DIP2C: variants seen among roughly 807,000 people sequenced by gnomAD.
DIP2C encodes the protein DIP2 acetate--CoA ligase C (putative).
DIP2C carries 33 observed loss-of-function variants against 192.4 expected under a neutral mutation model. The ratio of observed to expected loss-of-function variants is 0.17; its 90% CI spans 0.13 to 0.23. DIP2C has a LOEUF of 0.23. DIP2C is among the 10% of genes least tolerant of loss of function. DIP2C has a pLI of 1.00. For missense variants in DIP2C, 1,537 were observed against 2,110.1 expected (o/e 0.73, Z 5.32); for synonymous variants, 979 against 864.1 (o/e 1.13, Z -2.33).
intron 10 of DIP2C, among the ~76,000 whole-genome samples, chr10:398,458 G>A (rs527575032): frequency 9.2e-5 from 14 of 152,308 alleles, no homozygotes; most frequent in Admixed American, 8.5e-4. Flanking sequence ...ATGAACATAT[G>A]TCTTACATGT....
At chr10:370,077 A>G (rs1399357009) in intron 17 of DIP2C, 16 of 981,568 alleles carry the variant, frequency 1.6e-5, no homozygotes, top group African/African-American at 5.2e-5. Context: ...CTGAACAGCA[A>G]TGATGGAAAT....
chr10:381,425 C>T lies in DIP2C; in HGVS notation c.1991+1222G>A, dbSNP rs966294921. On this transcript the variant is annotated intron_variant, in intron 17 of 36. Transcript: ENST00000280886. ...GTACCTTTAATCCTTTTCGGTCCTT[C>T]GGTGTGTTGAGCCCAATCACGCCAA... Among the ~76,000 whole-genome samples, 5 of 152,120 alleles carry T rather than the reference C, an allele frequency of 3.3e-5. No homozygotes were observed. The East Asian group carries it at 7.7e-4, about 23-fold the overall frequency.
intron 3 of DIP2C, among the ~76,000 whole-genome samples, chr10:469,723 C>T (rs1970479956): frequency 6.6e-6 from 1 of 152,142 alleles, no homozygotes; most frequent in Non-Finnish European, 1.5e-5. Flanking sequence ...ATCTTCAAAC[C>T]CTGACTGGCC....
At chr10:578,188 G>A (rs1398321730) in intron 1 of DIP2C, among the ~76,000 whole-genome samples, 1 of 152,108 alleles carries the variant, frequency 6.6e-6, no homozygotes, top group Non-Finnish European at 1.5e-5. Context: ...ACCTGAAGAT[G>A]AACTTACATA....
At chr10:485,326 A>AGG (rs1843935039) in intron 2 of DIP2C, among the ~76,000 whole-genome samples, 1 of 152,316 alleles carries the variant, frequency 6.6e-6, no homozygotes, top group Non-Finnish European at 1.5e-5. Context: ...GAAGAGAATG[A>AGG]GGGAGGGGGC....
intron 2 of DIP2C, chr10:484,775 G>C: frequency 6.2e-7 from 1 of 1,609,858 alleles, no homozygotes; most frequent in South Asian, 1.1e-5. Context: ...GCAAAGCAGC[G>C]CTCACCGAAA....
intron 1 of DIP2C, chr10:650,778 T>G (rs1423896699): frequency 3.0e-6 from 2 of 668,430 alleles, no homozygotes; most frequent in East Asian, 5.4e-5. Context: ...TTTCTGTAAT[T>G]TGCAACCAGA....
At position 599,110 on chromosome 10, in the gene DIP2C, C is replaced by T. The variant is rs543909558; in HGVS notation, c.85+90384G>A. On this transcript the variant is annotated intron_variant, in intron 1 of 36. Transcript: ENST00000280886. ...CCAGAAGCCACAGCCACTCTCCCAG[C>T]GTGGGAGCCAAGTTAGAGACCCAGA... Among the ~76,000 whole-genome samples the T allele has an allele frequency of 7.2e-5, 11 of 152,262 alleles. No homozygotes were observed. The South Asian group carries it at 2.1e-3, about 29-fold the overall frequency.
At chr10:580,546 C>T (rs147641440) in intron 1 of DIP2C, among the ~76,000 whole-genome samples, 3 of 152,208 alleles carry the variant, frequency 2.0e-5, no homozygotes, top group Admixed American at 6.5e-5. Flanking sequence ...TACATGCATG[C>T]CCATAGCATG....
intron 1 of DIP2C, among the ~76,000 whole-genome samples, chr10:505,954 T>A (rs1845570407): frequency 6.6e-6 from 1 of 152,196 alleles, no homozygotes; most frequent in Non-Finnish European, 1.5e-5. Flanking sequence ...TGGGGCAGGT[T>A]TTCTCCTGGA....
intron 3 of DIP2C, among the ~76,000 whole-genome samples, chr10:441,799 G>A (rs1285411083): frequency 6.6e-6 from 1 of 152,140 alleles, no homozygotes; most frequent in African/African-American, 2.4e-5. Context: ...CACGCTTTGT[G>A]GCTATGAATC....
chr10:499,800 C>T (rs745386804), intron 1 of DIP2C, among the ~76,000 whole-genome samples: 1 of 152,214 alleles, frequency 6.6e-6, no homozygotes, highest in Non-Finnish European at 1.5e-5. Flanking sequence ...GTATCATGGG[C>T]TTTACTAACA....
At chr10:534,869 G>A (rs1484894882) in intron 1 of DIP2C, among the ~76,000 whole-genome samples, 1 of 151,530 alleles carries the variant, frequency 6.6e-6, no homozygotes, top group South Asian at 2.1e-4. Context: ...GTAGAGACGG[G>A]GTTTCACCTT....
At chr10:510,279 A>C (rs1374308257) in intron 1 of DIP2C, among the ~76,000 whole-genome samples, 1 of 152,190 alleles carries the variant, frequency 6.6e-6, no homozygotes, top group Non-Finnish European at 1.5e-5. Flanking sequence ...ACTAAATGAT[A>C]AAACCAGACT....
At chr10:388,969 C>T (rs1963224617) in intron 13 of DIP2C, among the ~76,000 whole-genome samples, 1 of 148,724 alleles carries the variant, frequency 6.7e-6, no homozygotes, top group African/African-American at 2.5e-5. Context: ...TCTCTGGAGT[C>T]TCAAGGGGCC....
chr10:624,069 C>A (rs1854044811), intron 1 of DIP2C, among the ~76,000 whole-genome samples: 1 of 152,264 alleles, frequency 6.6e-6, no homozygotes, highest in Non-Finnish European at 1.5e-5. Flanking sequence ...CCGGGACCCG[C>A]CCTGAGCCCC....
At chr10:610,767 A>G (rs569049477) in intron 1 of DIP2C, among the ~76,000 whole-genome samples, 45 of 149,626 alleles carry the variant, frequency 3.0e-4, no homozygotes, top group Admixed American at 1.5e-3. Context: ...CCAGTGTTGG[A>G]GGTGGGCCCT....
chr10:611,371 G>T (rs1853087194), intron 1 of DIP2C, among the ~76,000 whole-genome samples: 1 of 152,176 alleles, frequency 6.6e-6, no homozygotes, highest in South Asian at 2.1e-4. Flanking sequence ...AGCAGTGGAA[G>T]AATAGCGCAG....
intron 3 of DIP2C, among the ~76,000 whole-genome samples, chr10:450,156 C>G (rs1268185299): frequency 2.0e-5 from 3 of 152,068 alleles, no homozygotes; most frequent in African/African-American, 7.2e-5. Flanking sequence ...GATGTGGACC[C>G]GACACAAGAG....
Sources: allele counts gnomAD v4.1 joint callset (sites outside exome capture counted in the v4.1 genomes callset), GRCh38; gene constraint gnomAD v4.1.1; transcripts MANE v1.5; gene names NCBI Gene and HGNC (gene_info 2026-07-23, HGNC 2026-07-21).